GRIA4: variants seen among roughly 807,000 people sequenced by gnomAD.
GRIA4 encodes the protein glutamate ionotropic receptor AMPA type subunit 4.
GRIA4 carries 34 observed loss-of-function variants against 104.0 expected under a neutral mutation model. The ratio of observed to expected loss-of-function variants is 0.33; its 90% confidence interval spans 0.25 to 0.44. The LOEUF is 0.44. Ranked by LOEUF, GRIA4 falls within the 20% of genes least tolerant of loss-of-function variation. The pLI is 1.00. For missense variants in GRIA4, 750 were observed against 1,096.5 expected, an observed-to-expected ratio of 0.68 and a Z score of 4.46; for synonymous variants, 386 against 381.9, an observed-to-expected ratio of 1.01 and a Z score of -0.13.
intron 4 of GRIA4, among the ~76,000 whole-genome samples, chr11:105,785,804 C>T (rs1335169801): frequency 2.6e-5 from 4 of 151,874 alleles, no homozygotes; most frequent in East Asian, 1.9e-4. Flanking sequence ...TATAAATTGT[C>T]GATAATATCA....
At chr11:105,825,264 A>C (rs1250091590) in intron 4 of GRIA4, among the ~76,000 whole-genome samples, 1 of 152,012 alleles carries the variant, frequency 6.6e-6, no homozygotes, top group African/African-American at 2.4e-5. Context: ...CATGACTGGC[A>C]CTTCATATGT....
chr11:105,714,061 C>T (rs1349555624), intron 3 of GRIA4, among the ~76,000 whole-genome samples: 4 of 151,974 alleles, frequency 2.6e-5, no homozygotes, highest in African/African-American at 4.8e-5. Context: ...ATATTGGGGG[C>T]TTGTAGGTGA....
chr11:105,636,759 G>A (rs1286894730), intron 3 of GRIA4, among the ~76,000 whole-genome samples: 1 of 152,136 alleles, frequency 6.6e-6, no homozygotes, highest in East Asian at 1.9e-4. Context: ...ATCATAAAAC[G>A]ATGGCATGGA....
intron 14 of GRIA4, among the ~76,000 whole-genome samples, chr11:105,947,082 C>T (rs1948333721): frequency 6.6e-6 from 1 of 152,136 alleles, no homozygotes; most frequent in Non-Finnish European, 1.5e-5. Context: ...CATGAAAAGA[C>T]TCATTCAAAC....
At chr11:105,900,369 G>T (rs1946809700) in intron 7 of GRIA4, among the ~76,000 whole-genome samples, 1 of 151,954 alleles carries the variant, frequency 6.6e-6, no homozygotes, top group Admixed American at 6.6e-5. Context: ...GGCCAATCAG[G>T]CCTTTCCAAG....
chr11:105,865,389 A>G (rs1472630298), intron 5 of GRIA4, among the ~76,000 whole-genome samples: 1 of 152,244 alleles, frequency 6.6e-6, no homozygotes, highest in Non-Finnish European at 1.5e-5. Context: ...AGCCTTGAAA[A>G]GAAATCTAAA....
At position 105,736,905 on chromosome 11, in the gene GRIA4, C is replaced by A. The variant is rs150231581; in HGVS notation, c.248-16076C>A. Among the ~76,000 whole-genome samples, 43 of 152,076 alleles carry A rather than the reference C, an allele frequency of 2.8e-4. 1 individual carries two copies. The highest frequency in any genetic ancestry group is 8.7e-4 in the African/African-American group (36 of 41,514). On this transcript the variant is annotated intron_variant, in intron 3 of 16. Coordinates refer to ENST00000282499, the MANE Select transcript of GRIA4 (RefSeq NM_000829.4). The stretch of plus-strand genomic sequence containing the variant: ...TATTCTATTCTACTATTACAATTTC[C>A]TAAAACCCAAAGCACTTACTGCTTT...
At chr11:105,850,012 AC>A (rs1403887639) in intron 4 of GRIA4, among the ~76,000 whole-genome samples, 1 of 152,208 alleles carries the variant, frequency 6.6e-6, no homozygotes, top group East Asian at 1.9e-4. Context: ...ATTCACCAGC[AC>A]AATTCATTTG....
At position 105,910,292 on chromosome 11, in the gene GRIA4, C is replaced by T. The variant is rs1363757683; in HGVS notation, c.1159-143C>T. 8 of 602,012 alleles carry T rather than the reference C, an allele frequency of 1.3e-5. No homozygotes were observed. In the East Asian group the frequency reaches 2.2e-4, roughly 17 times the overall value. 37.3% of individuals were successfully genotyped at this position (602,012 alleles called of 1,614,324 possible). Reference sequence around the variant, plus strand: ...ATGAGCAAGTAAGAACACTTCTGAACACTTTTTTTTTTTCTGTTGGCTTTT... The same window carrying T: ...ATGAGCAAGTAAGAACACTTCTGAATACTTTTTTTTTTTCTGTTGGCTTTT... On this transcript the variant is annotated intron_variant, in intron 9 of 16. Transcript: ENST00000282499.
chr11:105,975,045 T>G (rs1022687836), intron 16 of GRIA4: 3 of 154,262 alleles, frequency 1.9e-5, no homozygotes, highest in Non-Finnish European at 4.3e-5. Context: ...ATGTGCTCAA[T>G]GAATTTTGGC....
chr11:105,682,369 C>A (rs993958141), intron 3 of GRIA4, among the ~76,000 whole-genome samples: 5 of 152,112 alleles, frequency 3.3e-5, no homozygotes, highest in Non-Finnish European at 7.3e-5. Flanking sequence ...TACAGACATG[C>A]ACCACTGTTC....
intron 3 of GRIA4, among the ~76,000 whole-genome samples, chr11:105,727,252 T>C (rs1938272428): frequency 6.6e-6 from 1 of 151,868 alleles, no homozygotes; most frequent in South Asian, 2.1e-4. Context: ...ACAGGATCAA[T>C]AGCAGAATCC....
chr11:105,778,508 C>A (rs1234717169), intron 4 of GRIA4, among the ~76,000 whole-genome samples: 1 of 152,182 alleles, frequency 6.6e-6, no homozygotes, highest in Non-Finnish European at 1.5e-5. Context: ...AGTTTGAGAC[C>A]AGCCTGACCA....
At chr11:105,817,258 T>C (rs1259513729) in intron 4 of GRIA4, among the ~76,000 whole-genome samples, 1 of 151,012 alleles carries the variant, frequency 6.6e-6, no homozygotes, top group South Asian at 2.1e-4. Context: ...AGTGAAATAG[T>C]AGTGAATTAT....
intron 3 of GRIA4, among the ~76,000 whole-genome samples, chr11:105,674,976 A>G (rs773846166): frequency 6.6e-6 from 1 of 151,894 alleles, no homozygotes; most frequent in African/African-American, 2.4e-5. Flanking sequence ...ATAAGTGCCT[A>G]TGTAACAAGG....
intron 3 of GRIA4, among the ~76,000 whole-genome samples, chr11:105,656,203 A>C (rs1951840216): frequency 6.6e-6 from 1 of 151,948 alleles, no homozygotes; most frequent in Non-Finnish European, 1.5e-5. Context: ...AAATTCGTTT[A>C]AATTATTTGT....
At chr11:105,691,545 AATAAG>A (rs1411656091) in intron 3 of GRIA4, among the ~76,000 whole-genome samples, 2 of 152,176 alleles carry the variant, frequency 1.3e-5, no homozygotes, top group African/African-American at 2.4e-5. Flanking sequence ...CCATCTGTAA[AATAAG>A]ATAACAATAG....
intron 5 of GRIA4, among the ~76,000 whole-genome samples, chr11:105,872,463 TCATC>T (rs1451540845): frequency 2.6e-5 from 4 of 152,116 alleles, no homozygotes; most frequent in African/African-American, 9.7e-5. Flanking sequence ...TCTTAGAAGT[TCATC>T]CATCCTGTGA....
chr11:105,779,177 A>C (rs1368392219), intron 4 of GRIA4, among the ~76,000 whole-genome samples: 1 of 151,776 alleles, frequency 6.6e-6, no homozygotes, highest in African/African-American at 2.4e-5. Context: ...TCTTGATCCT[A>C]TCTATCACTG....
Sources: gnomAD v4.1 joint callset for allele counts (sites outside exome capture counted in the v4.1 genomes callset) on GRCh38, gnomAD v4.1.1 for gene constraint, MANE v1.5 for transcripts, NCBI Gene and HGNC (gene_info 2026-07-23, HGNC 2026-07-21) for gene names.